ARHGAP25: variants seen among roughly 807,000 people sequenced by gnomAD.
ARHGAP25 encodes the protein Rho GTPase activating protein 25, also known as rho GTPase-activating protein 25.
A neutral mutation model predicts 71.0 loss-of-function variants in ARHGAP25; 34 were observed. The observed-to-expected ratio is 0.48, with a 90% CI of 0.36 to 0.64. ARHGAP25 has a LOEUF of 0.64. Among genes scored for constraint, ARHGAP25 ranks in the 30% least tolerant of loss-of-function variants. ARHGAP25 has a pLI of 0.00. For synonymous variants in ARHGAP25, 282 were observed against 296.5 expected, an observed-to-expected ratio of 0.95 and a Z score of 0.50; for missense variants, 706 against 805.1, an observed-to-expected ratio of 0.88 and a Z score of 1.49.
chr2:68,784,173 CTT>C (rs1290554186), intron 3 of ARHGAP25, among the ~76,000 whole-genome samples: 15 of 151,814 alleles, frequency 9.9e-5, no homozygotes, highest in African/African-American at 2.9e-4. Flanking sequence ...CTCTCTCTCT[CTT>C]TCTCTCTCTC....
chr2:68,757,455 G>A (rs2104332796), intron 1 of ARHGAP25, among the ~76,000 whole-genome samples: 1 of 152,216 alleles, frequency 6.6e-6, no homozygotes, highest in South Asian at 2.1e-4. Flanking sequence ...AAGATTATGG[G>A]CAAATTTATC....
At chr2:68,807,533 G>A in intron 5 of ARHGAP25, 53 bp downstream of exon 5, 2 of 1,561,776 alleles carry the variant, frequency 1.3e-6, no homozygotes, top group Non-Finnish European at 1.8e-6. Context: ...TGCTTGGCTT[G>A]GCTGGGAGGG....
chr2:68,782,028 T>A (rs542617968), intron 2 of ARHGAP25, among the ~76,000 whole-genome samples: 1 of 152,296 alleles, frequency 6.6e-6, no homozygotes, highest in African/African-American at 2.4e-5. Context: ...TCTGGGCACC[T>A]GATTTGCTCT....
At chr2:68,812,096 A>G (rs548432880) in intron 5 of ARHGAP25, among the ~76,000 whole-genome samples, 3 of 152,362 alleles carry the variant, frequency 2.0e-5, no homozygotes, top group Admixed American at 6.5e-5. Context: ...TTAATGGGCC[A>G]CATATTAAAT....
At chr2:68,775,130 C>T in intron 1 of ARHGAP25, 91 bp from the exon 2 acceptor site, 4 of 1,605,626 alleles carry the variant, frequency 2.5e-6, no homozygotes, top group Non-Finnish European at 2.6e-6. Flanking sequence ...CGCTTCTCAG[C>T]CCCCTCTGGG....
chr2:68,717,891 T>C (rs1317666770), intron 2 of ARHGAP25, among the ~76,000 whole-genome samples: 1 of 152,208 alleles, frequency 6.6e-6, no homozygotes, highest in African/African-American at 2.4e-5. Context: ...TTAATATTCA[T>C]AAAAAGAGCT....
chr2:68,746,708 C>CA (rs532390253), intron 1 of ARHGAP25, among the ~76,000 whole-genome samples: 1 of 150,786 alleles, frequency 6.6e-6, no homozygotes, highest in Non-Finnish European at 1.5e-5. Flanking sequence ...GGACCACCCC[C>CA]CTCCCCATCC....
chr2:68,806,922 A>G (rs1413753793), intron 4 of ARHGAP25, among the ~76,000 whole-genome samples: 2 of 152,232 alleles, frequency 1.3e-5, no homozygotes, highest in African/African-American at 4.8e-5. Context: ...TCTAAGGCTC[A>G]GTGTCTTTAA....
Position 68,735,020 on chromosome 2 carries a change from C to A in ARHGAP25, c.-180C>A. 1.6e-6 allele frequency: 1 copy of A among 639,426 alleles called. No homozygotes were observed. Among genetic ancestry groups the A allele is most frequent in the Admixed American group, 2.6e-5 (1 of 37,916 alleles). The allele number at this position is 639,426 out of a possible 1,614,324, so 39.6% of individuals were successfully genotyped here. On this transcript the variant is annotated 5_prime_UTR_variant, in exon 1 of 11. Transcript: ENST00000409202. ...AGTGACAGATGGATGGACCTTTCAT[C>A]TAAGAGAAAGGAGGAGACACGTTGG...
At chr2:68,799,871 A>G (rs2104426737) in intron 4 of ARHGAP25, among the ~76,000 whole-genome samples, 1 of 152,286 alleles carries the variant, frequency 6.6e-6, no homozygotes, top group Non-Finnish European at 1.5e-5. Flanking sequence ...GGGTTCTTCC[A>G]GTCTGGGGAG....
At chr2:68,812,963 G>GACAATGCTAA (rs1680938070) in intron 5 of ARHGAP25, among the ~76,000 whole-genome samples, 1 of 152,206 alleles carries the variant, frequency 6.6e-6, no homozygotes, top group Admixed American at 6.5e-5. Context: ...AATGCTAATT[G>GACAATGCTAA]TGAGGCACTA....
intron 4 of ARHGAP25, among the ~76,000 whole-genome samples, chr2:68,807,053 A>G (rs896864763): frequency 3.9e-5 from 6 of 152,246 alleles, no homozygotes; most frequent in Admixed American, 2.0e-4. Flanking sequence ...TTAAATATGT[A>G]AGAAATGTGG....
intron 1 of ARHGAP25, among the ~76,000 whole-genome samples, chr2:68,742,897 T>C (rs1362740295): frequency 1.3e-5 from 2 of 152,252 alleles, no homozygotes; most frequent in African/African-American, 4.8e-5. Flanking sequence ...ATGTACTCAC[T>C]TCCTTCTCAA....
intron 3 of ARHGAP25, among the ~76,000 whole-genome samples, chr2:68,787,581 T>G (rs1172783098): frequency 6.6e-6 from 1 of 152,242 alleles, no homozygotes; most frequent in Non-Finnish European, 1.5e-5. Context: ...TCTGTCCTCT[T>G]AAATGAAAGC....
chr2:68,805,452 C>T (rs1010473780), intron 4 of ARHGAP25, among the ~76,000 whole-genome samples: 3 of 152,124 alleles, frequency 2.0e-5, no homozygotes, highest in African/African-American at 7.2e-5. Context: ...CACCTCCCAA[C>T]ACCTGATGTG....
intron 7 of ARHGAP25, 60 bp from the exon 8 acceptor site, chr2:68,817,813 G>C: frequency 6.3e-7 from 1 of 1,593,078 alleles, no homozygotes; most frequent in Non-Finnish European, 8.6e-7. Flanking sequence ...TTGGAACCCT[G>C]TAGTGCTTCC....
At chr2:68,745,189 G>A (rs1456982468) in intron 1 of ARHGAP25, among the ~76,000 whole-genome samples, 4 of 152,096 alleles carry the variant, frequency 2.6e-5, no homozygotes, top group African/African-American at 7.2e-5. Context: ...AAATGGGGCC[G>A]GTAGTTCCAC....
At chr2:68,746,703 A>ACCCCCCCC (rs370621628) in intron 1 of ARHGAP25, among the ~76,000 whole-genome samples, 1 of 139,660 alleles carries the variant, frequency 7.2e-6, no homozygotes, top group Non-Finnish European at 1.6e-5. Context: ...GACAGGGACC[A>ACCCCCCCC]CCCCCCTCCC....
At chr2:68,756,540 G>C (rs984303470) in intron 1 of ARHGAP25, among the ~76,000 whole-genome samples, 1 of 152,108 alleles carries the variant, frequency 6.6e-6, no homozygotes, top group African/African-American at 2.4e-5. Context: ...ACATATATGG[G>C]GTAAGTTGGA....
Sources: gnomAD v4.1 joint callset for allele counts (sites outside exome capture counted in the v4.1 genomes callset) on GRCh38, gnomAD v4.1.1 for gene constraint, MANE v1.5 for transcripts, NCBI Gene and HGNC (gene_info 2026-07-23, HGNC 2026-07-21) for gene names.